HDAC4: variants seen among roughly 807,000 people sequenced by gnomAD.
HDAC4 encodes the protein histone deacetylase 4, also known as histone deacetylase A.
HDAC4 carries 16 observed loss-of-function variants against 135.1 expected under a neutral mutation model. The observed-to-expected ratio is 0.12, with a 90% CI of 0.08 to 0.18. HDAC4 has a LOEUF of 0.18. HDAC4 is among the 10% of genes least tolerant of loss of function. The probability of loss-of-function intolerance (pLI) is 1.00; values close to 1 mark genes in which losing one functional copy is unlikely to be tolerated. For missense variants in HDAC4, 1,143 were observed against 1,511.8 expected, an observed-to-expected ratio of 0.76 and a Z score of 4.05; for synonymous variants, 685 against 653.4, an observed-to-expected ratio of 1.05 and a Z score of -0.74.
intron 2 of HDAC4, among the ~76,000 whole-genome samples, chr2:239,249,241 G>A (rs1043470223): frequency 5.3e-5 from 8 of 152,222 alleles, no homozygotes; most frequent in South Asian, 2.1e-4. Context: ...GAGGAGACAC[G>A]GCTGCAGGTC....
chr2:239,115,214 G>T lies in HDAC4; in HGVS notation c.1630C>A (p.Pro544Thr). ...TGCCCCGGCAGCCGGTCCAGGTAGG[G>T]CTCGTCCAGCAGAGCCTGGTGCTCA... ...LREHQALLDEPYLDRLPGQKE... is the reference protein window; with the variant it reads ...LREHQALLDETYLDRLPGQKE... The change falls in exon 13 of 27, where the codon CCC becomes ACC. Residue 544 changes from proline to threonine, a missense_variant. Transcript: ENST00000543185. This position sits in a 1 kb window ranked among gnomAD's most constrained non-coding sequence, Gnocchi z 6.3. The T allele has an allele frequency of 6.2e-7, 1 of 1,611,998 alleles. No homozygotes were observed.
Position 239,308,116 on chromosome 2 carries a change from C to T in HDAC4, c.22+44562G>A, listed in dbSNP as rs1398720769. Among the ~76,000 whole-genome samples, 6 of 152,192 alleles carry T rather than the reference C, an allele frequency of 3.9e-5. No homozygotes were observed. The highest frequency in any genetic ancestry group is 7.3e-5 in the Non-Finnish European group (5 of 68,032). On this transcript the variant is annotated intron_variant, in intron 2 of 26. Coordinates refer to ENST00000543185, the MANE Select transcript of HDAC4 (RefSeq NM_001378414.1). This position sits in a 1 kb window ranked among gnomAD's most constrained non-coding sequence, Gnocchi z 4.2. ...TCTCTGGGCCTTGTCACTCACCCTT[C>T]CTACACCCCATCACTCACCCTCCCT...
At chr2:239,087,484 C>T in intron 19 of HDAC4, 75 bp downstream of exon 19, 1 of 1,442,762 alleles carries the variant, frequency 6.9e-7, no homozygotes, top group Non-Finnish European at 9.6e-7. Context: ...CAGTCACTCA[C>T]ACACCCACCC....
intron 3 of HDAC4, among the ~76,000 whole-genome samples, chr2:239,210,830 C>G (rs1353038575): frequency 1.3e-5 from 2 of 152,166 alleles, no homozygotes; most frequent in Non-Finnish European, 2.9e-5. Flanking sequence ...GCGGCTGAGA[C>G]CAGAACCCTC....
At chr2:239,155,692 CA>C (rs1419811414) in intron 7 of HDAC4, 1 of 152,248 alleles carries the variant, frequency 6.6e-6, no homozygotes, top group Non-Finnish European at 1.5e-5. Flanking sequence ...TGTTTCCGCC[CA>C]GAACTGGCCA....
At chr2:239,121,770 C>A (rs2039714783) in intron 12 of HDAC4, among the ~76,000 whole-genome samples, 1 of 152,218 alleles carries the variant, frequency 6.6e-6, no homozygotes, top group Non-Finnish European at 1.5e-5. Context: ...AGGCCAGGCC[C>A]CTTGCCTTGG....
intron 4 of HDAC4, among the ~76,000 whole-genome samples, chr2:239,180,188 C>T (rs1329706523): frequency 6.6e-6 from 1 of 152,162 alleles, no homozygotes; most frequent in Non-Finnish European, 1.5e-5. Context: ...ACACCCTCTC[C>T]TGCGAGAGCC....
intron 1 of HDAC4, among the ~76,000 whole-genome samples, chr2:239,357,682 G>A (rs1012954699): frequency 7.9e-5 from 12 of 151,178 alleles, no homozygotes; most frequent in Admixed American, 2.0e-4. Flanking sequence ...TCAGGAGTTC[G>A]AGAGCAGCCT....
In HDAC4 at chr2:239,168,220, C is replaced by A. The variant is rs112097429; in HGVS notation, c.491-4297G>T. Among the ~76,000 whole-genome samples the A allele has an allele frequency of 3.3e-5, 5 of 152,344 alleles. No individual in the cohort carries two copies. In the South Asian group the frequency reaches 1.0e-3, roughly 32 times the overall value. ...AGCAAAGGACTTGCTCAGTGACCTC[C>A]CTCCATTCCCTGCAGGGCTGCGCGT... is the stretch of plus-strand genomic sequence containing the variant. On this transcript the variant is annotated intron_variant, in intron 5 of 26. Transcript: ENST00000543185.
At chr2:239,085,952 C>T (rs987609844) in intron 19 of HDAC4, 3 of 145,472 alleles carry the variant, frequency 2.1e-5, no homozygotes, top group African/African-American at 7.8e-5. Context: ...CTGACTATCT[C>T]GCACGTACAG....
chr2:239,226,670 G>C (rs1048360377), intron 3 of HDAC4, among the ~76,000 whole-genome samples: 1 of 152,154 alleles, frequency 6.6e-6, no homozygotes, highest in Non-Finnish European at 1.5e-5. Flanking sequence ...TGTAATGGGG[G>C]GGGTGATAAA....
At chr2:239,342,643 C>T (rs558513876) in intron 2 of HDAC4, among the ~76,000 whole-genome samples, 13 of 152,302 alleles carry the variant, frequency 8.5e-5, no homozygotes, top group East Asian at 7.7e-4. Flanking sequence ...TACAGCTGCC[C>T]GTCAGCATGG....
chr2:239,195,877 A>C (rs2045347034), intron 3 of HDAC4, among the ~76,000 whole-genome samples: 1 of 152,180 alleles, frequency 6.6e-6, no homozygotes, highest in South Asian at 2.1e-4. Context: ...CAAACAGAAA[A>C]ACCTGTTAGT....
chr2:239,166,657 A>G (rs2043140266), intron 5 of HDAC4, among the ~76,000 whole-genome samples: 1 of 152,238 alleles, frequency 6.6e-6, no homozygotes, highest in Admixed American at 6.5e-5. Context: ...GAGCACTGGC[A>G]TTCCTAAAAG....
intron 2 of HDAC4, among the ~76,000 whole-genome samples, chr2:239,346,894 CTG>C (rs1446683087): frequency 2.0e-5 from 3 of 149,496 alleles, no homozygotes; most frequent in East Asian, 2.0e-4. Context: ...CACACACACC[CTG>C]TCTCTCACAC....
chr2:239,162,619 G>A (rs975444943), intron 6 of HDAC4, among the ~76,000 whole-genome samples: 3 of 152,204 alleles, frequency 2.0e-5, no homozygotes, highest in Non-Finnish European at 2.9e-5. Context: ...CTGCTGTCAC[G>A]TGCTGCCTCC....
intron 1 of HDAC4, among the ~76,000 whole-genome samples, chr2:239,375,552 C>T (rs1559393799): frequency 6.6e-6 from 1 of 152,222 alleles, no homozygotes; most frequent in East Asian, 1.9e-4. Flanking sequence ...CGCCTCACAG[C>T]GTCCACAGGA....
At chr2:239,234,529 T>C (rs1391087575) in intron 3 of HDAC4, among the ~76,000 whole-genome samples, 1 of 152,168 alleles carries the variant, frequency 6.6e-6, no homozygotes, top group African/African-American at 2.4e-5. Flanking sequence ...TCAGTACTAG[T>C]CAACGGGACA....
At chr2:239,074,307 C>A (rs947075291) in intron 22 of HDAC4, among the ~76,000 whole-genome samples, 1 of 152,250 alleles carries the variant, frequency 6.6e-6, no homozygotes. Flanking sequence ...GTGTCCTTGG[C>A]GAGGCACTCT....
Sources: allele counts gnomAD v4.1 joint callset (sites outside exome capture counted in the v4.1 genomes callset), GRCh38; gene constraint gnomAD v4.1.1; non-coding constraint Gnocchi (gnomAD v3.1); transcripts MANE v1.5; gene names NCBI Gene and HGNC (gene_info 2026-07-23, HGNC 2026-07-21).